Variants in RPS6KA2 observed in about 807,000 individuals in gnomAD.
RPS6KA2 encodes the protein ribosomal protein S6 kinase A2.
A neutral mutation model predicts 91.8 loss-of-function variants in RPS6KA2; 42 were observed. The ratio of observed to expected loss-of-function variants is 0.46; its 90% confidence interval spans 0.36 to 0.59. The LOEUF is 0.59. Ranked by LOEUF, RPS6KA2 falls within the 20% of genes least tolerant of loss-of-function variation. RPS6KA2 has a pLI of 0.00. For synonymous variants in RPS6KA2, 414 were observed against 393.6 expected (o/e 1.05, Z -0.61); for missense variants, 798 against 978.5 (o/e 0.82, Z 2.46).
chr6:166,853,621 A>T (rs1333571501), intron 2 of RPS6KA2, among the ~76,000 whole-genome samples: 1 of 152,244 alleles, frequency 6.6e-6, no homozygotes, highest in Non-Finnish European at 1.5e-5. Flanking sequence ...CCAAAGATCC[A>T]TGCTCAGCAT....
At chr6:166,787,793 G>A (rs1778971649) in intron 2 of RPS6KA2, among the ~76,000 whole-genome samples, 1 of 151,996 alleles carries the variant, frequency 6.6e-6, no homozygotes, top group South Asian at 2.1e-4. Flanking sequence ...AACACCAAAA[G>A]CAATGGCAAC....
rs58712416 is a variant in RPS6KA2 at position 166,510,554 on chromosome 6, CATATATATATATATATAT to C, written c.299-215_299-198del. 3.1e-3 allele frequency among the ~76,000 whole-genome samples: 244 copies of C among 78,772 alleles called. 1 individual carries two copies. The highest frequency in any genetic ancestry group is 6.0e-3 in the Middle Eastern group (1 of 166). 51.7% of individuals were successfully genotyped at this position (78,772 alleles called of 152,430 possible). On this transcript the variant is annotated intron_variant, in intron 3 of 20. Coordinates refer to ENST00000265678, the MANE Select transcript of RPS6KA2 (RefSeq NM_021135.6). ...TTTAATACATTTGCTTTCTCTCTCT[CATATATATATATATATAT>C]ATATATATATATATATATATATATA... is the stretch of plus-strand genomic sequence containing the variant.
chr6:166,499,595 A>G (rs974998409), intron 7 of RPS6KA2, among the ~76,000 whole-genome samples: 2 of 152,318 alleles, frequency 1.3e-5, no homozygotes, highest in East Asian at 1.9e-4. Context: ...TCTCCTGCAC[A>G]TGCTCTCTCT....
At chr6:166,474,109 G>A (rs547545639) in intron 10 of RPS6KA2, among the ~76,000 whole-genome samples, 1 of 152,106 alleles carries the variant, frequency 6.6e-6, no homozygotes, top group Non-Finnish European at 1.5e-5. Flanking sequence ...CAGGCCCTGG[G>A]CATGGGTCTC....
intron 2 of RPS6KA2, among the ~76,000 whole-genome samples, chr6:166,847,976 C>A (rs1187805509): frequency 6.6e-6 from 1 of 152,164 alleles, no homozygotes; most frequent in Non-Finnish European, 1.5e-5. Context: ...TAACAGACAA[C>A]CCACAGGGTG....
intron 2 of RPS6KA2, among the ~76,000 whole-genome samples, chr6:166,706,132 C>T (rs1029600616): frequency 3.3e-5 from 5 of 152,274 alleles, no homozygotes; most frequent in East Asian, 1.9e-4. Flanking sequence ...TAAGCCACTC[C>T]GTTTATCGTT....
At chr6:166,827,565 T>C (rs76855893) in intron 2 of RPS6KA2, among the ~76,000 whole-genome samples, 5,997 of 152,332 alleles carry the variant, frequency 0.039, 541 homozygotes, top group East Asian at 0.39. Context: ...AGAGAGCCAC[T>C]GTCTGTTATT....
intron 2 of RPS6KA2, among the ~76,000 whole-genome samples, chr6:166,688,575 G>T (rs2128569948): frequency 6.6e-6 from 1 of 152,356 alleles, no homozygotes; most frequent in South Asian, 2.1e-4. Context: ...GAAAGGGTAA[G>T]AAGCAGGTGG....
At chr6:166,621,046 G>A (rs1162641084) in intron 1 of RPS6KA2, among the ~76,000 whole-genome samples, 1 of 152,230 alleles carries the variant, frequency 6.6e-6, no homozygotes, top group African/African-American at 2.4e-5. Flanking sequence ...AGCCTGGGGA[G>A]CTTTGCACAC....
chr6:166,787,191 G>A (rs1385536344), intron 2 of RPS6KA2, among the ~76,000 whole-genome samples: 2 of 152,156 alleles, frequency 1.3e-5, no homozygotes, highest in Admixed American at 1.3e-4. Context: ...ACTGATGTAT[G>A]TGGATGTTTA....
Position 166,413,897 on chromosome 6 carries a change from T to C in RPS6KA2, c.1973A>G (p.His658Arg). The C allele has an allele frequency of 3.7e-6, 6 of 1,614,126 alleles. No homozygotes were observed. The highest frequency in any genetic ancestry group is 5.1e-6 in the Non-Finnish European group (6 of 1,180,000). Reference protein sequence around the residue: ...VVSKMLHVDPHQRLTAMQVLK... With the variant: ...VVSKMLHVDPRQRLTAMQVLK... ...CACTTGCATCGCCGTCAGGCGCTGA[T>C]GAGGGTCCACGTGGAGCATCTTGGA... Residue 658 changes from histidine to arginine, a missense_variant, in exon 20 of 21, where the codon CAT becomes CGT. By Grantham distance (29) the His-to-Arg change is conservative. Transcript: ENST00000265678.
intron 2 of RPS6KA2, among the ~76,000 whole-genome samples, chr6:166,832,252 A>G (rs761916452): frequency 6.6e-6 from 1 of 152,272 alleles, no homozygotes; most frequent in Non-Finnish European, 1.5e-5. Flanking sequence ...TGGGAGGAAG[A>G]GCTGAGTTAG....
rs765920155 is a variant in RPS6KA2 at position 166,414,782 on chromosome 6, C to T, written c.1939-851G>A. Among the ~76,000 whole-genome samples, 25 of 152,320 alleles carry T rather than the reference C, an allele frequency of 1.6e-4. No individual in the cohort carries two copies. In the South Asian group the frequency reaches 1.9e-3, roughly 11 times the overall value. On this transcript the variant is annotated intron_variant, in intron 19 of 20. Coordinates refer to ENST00000265678, the MANE Select transcript of RPS6KA2 (RefSeq NM_021135.6). ...AGAGGTAATAAAATGAATTAGAATG[C>T]GGCTGGGCGCGTTGGCTCATGCCTG... is the stretch of plus-strand genomic sequence containing the variant.
chr6:166,814,833 C>T (rs1207316191), intron 2 of RPS6KA2, among the ~76,000 whole-genome samples: 1 of 152,206 alleles, frequency 6.6e-6, no homozygotes, highest in African/African-American at 2.4e-5. Flanking sequence ...GGAAAACAAG[C>T]TCAGGGCTCA....
chr6:166,610,229 A>C (rs1239664480), intron 1 of RPS6KA2, among the ~76,000 whole-genome samples: 1 of 152,366 alleles, frequency 6.6e-6, no homozygotes, highest in Middle Eastern at 3.4e-3. Flanking sequence ...AGCAAGTCGT[A>C]AATGATTCTT....
chr6:166,733,161 C>T lies in RPS6KA2; in HGVS notation c.123+125039G>A, dbSNP rs1790581245. On this transcript the variant is annotated intron_variant, in intron 2 of 21. Transcript: ENST00000503859. The surrounding 1 kb of genome is among the most constrained non-coding windows in gnomAD (Gnocchi z 4.1). ...TGCACATCATTTTGAGCCTTCAGAA[C>T]ATGATATCAAATTATACTTGGATGT... 6.6e-6 allele frequency among the ~76,000 whole-genome samples: 1 copy of T among 152,162 alleles called. No homozygotes were observed. The highest frequency in any genetic ancestry group is 1.5e-5 in the Non-Finnish European group (1 of 68,036).
chr6:166,598,649 C>T (rs927610053), intron 1 of RPS6KA2, among the ~76,000 whole-genome samples: 1 of 152,310 alleles, frequency 6.6e-6, no homozygotes, highest in South Asian at 2.1e-4. Flanking sequence ...TGGCTCTAAG[C>T]GCCTCTGTTT....
At chr6:166,673,254 AGG>A (rs1788526017) in intron 2 of RPS6KA2, among the ~76,000 whole-genome samples, 1 of 152,140 alleles carries the variant, frequency 6.6e-6, no homozygotes, top group African/African-American at 2.4e-5. Flanking sequence ...TCTCAGGACC[AGG>A]GGTGCAGGCT....
Position 166,831,352 on chromosome 6 carries a change from G to T in RPS6KA2, c.123+26848C>A, listed in dbSNP as rs115232809. Among the ~76,000 whole-genome samples the T allele has an allele frequency of 6.2e-3, 944 of 152,166 alleles. 9 individuals are homozygous for T. Among genetic ancestry groups the T allele is most frequent in the African/African-American group, 0.02 (810 of 41,512 alleles). ...CTCTCTTCTGCTCAGGTCCACAGTG[G>T]GTCCGTGGCCATGATGACTATGGAG... On this transcript the variant is annotated intron_variant, in intron 2 of 21. Coordinates refer to the RPS6KA2 transcript ENST00000503859.
Sources: gnomAD v4.1 joint callset for allele counts (sites outside exome capture counted in the v4.1 genomes callset) on GRCh38, gnomAD v4.1.1 for gene constraint, Gnocchi (gnomAD v3.1) non-coding constraint, MANE v1.5 for transcripts, NCBI Gene and HGNC (gene_info 2026-07-23, HGNC 2026-07-21) for gene names.